PHF19: variants seen among roughly 807,000 people sequenced by gnomAD.
PHF19 encodes the protein polycomb like 3.
In PHF19, 21 loss-of-function variants were observed where a neutral mutation model predicts 79.8. The observed-to-expected ratio is 0.26, with a 90% CI of 0.19 to 0.38. The LOEUF is 0.38. PHF19 is among the 10% of genes least tolerant of loss of function. The pLI is 1.00. For missense variants in PHF19, 445 were observed against 744.2 expected (o/e 0.60, Z 4.68); for synonymous variants, 273 against 296.3 (o/e 0.92, Z 0.81).
rs2045912428 is a variant in PHF19 at position 120,872,037 on chromosome 9, C to CAAAAAAAAAGAAAAA, written c.269-1500_269-1499insTTTTTCTTTTTTTTT. Among the ~76,000 whole-genome samples, 100 of 30,314 alleles carry CAAAAAAAAAGAAAAA rather than the reference C, an allele frequency of 3.3e-3. 1 individual carries two copies. Among genetic ancestry groups the CAAAAAAAAAGAAAAA allele is most frequent in the Non-Finnish European group, 3.7e-3 (68 of 18,278 alleles). 19.9% of individuals were successfully genotyped at this position (30,314 alleles called of 152,430 possible). A position where few individuals can be genotyped will look rare whatever the true frequency, so the allele number is the denominator to read the frequency against. ...TGGGTGACAGAGCAAGACTCTGTCTCAAAAAAAAAAAAAAAAAAAAAAAAA... is the reference window on the plus strand; with the variant it reads ...TGGGTGACAGAGCAAGACTCTGTCTCAAAAAAAAAGAAAAAAAAAAAAAAAAAAAAAAAAAAAAAA... On this transcript the variant is annotated intron_variant, in intron 3 of 14. Transcript: ENST00000373896.
chr9:120,877,184 C>T lies in PHF19; in HGVS notation c.-109G>A. On this transcript the variant is annotated 5_prime_UTR_variant, in exon 1 of 15. Transcript: ENST00000373896. ...TGCGCTCGGCCCGCGGCTGCCCGGCCGAGTGTCCGCCCGTGGGGCCGGGGT... is the reference window on the plus strand; with the variant it reads ...TGCGCTCGGCCCGCGGCTGCCCGGCTGAGTGTCCGCCCGTGGGGCCGGGGT... 1.0e-6 allele frequency: 1 copy of T among 974,822 alleles called. No homozygotes were observed. Among genetic ancestry groups the T allele is most frequent in the Non-Finnish European group, 1.2e-6 (1 of 826,208 alleles). The allele number at this position is 974,822 out of a possible 1,614,324, so 60.4% of individuals were successfully genotyped here.
rs2046001267 is a variant in PHF19 at position 120,874,806 on chromosome 9, A to G, written c.-15-50T>C. On this transcript the variant is annotated intron_variant, in intron 1 of 14. Transcript: ENST00000373896. The surrounding 1 kb of genome is among the most constrained non-coding windows in gnomAD (Gnocchi z 4.5). Reference sequence around the variant, plus strand: ...TGCTTCTTGCTTCCCTGCTTCAGAAAGCCCATCAGGGGAAGGAAGGAAACC... The same window carrying G: ...TGCTTCTTGCTTCCCTGCTTCAGAAGGCCCATCAGGGGAAGGAAGGAAACC... 9.4e-6 allele frequency: 12 copies of G among 1,277,000 alleles called. No homozygotes were observed. In the East Asian group the frequency reaches 2.1e-4, roughly 22 times the overall value. 79.1% of individuals were successfully genotyped at this position (1,277,000 alleles called of 1,614,324 possible). A position where few individuals can be genotyped will look rare whatever the true frequency, so the allele number is the denominator to read the frequency against.
rs150082542 is a variant in PHF19 at position 120,856,306 on chromosome 9, G to A, written c.*1638C>T. The A allele has an allele frequency of 8.8e-3, 1,344 of 152,794 alleles. 14 individuals are homozygous for A. Among genetic ancestry groups the A allele is most frequent in the Non-Finnish European group, 9.6e-3 (653 of 68,090 alleles). The allele number at this position is 152,794 out of a possible 1,614,324, so 9.5% of individuals were successfully genotyped here. A position where few individuals can be genotyped will look rare whatever the true frequency, so the allele number is the denominator to read the frequency against. On this transcript the variant is annotated 3_prime_UTR_variant, in exon 15 of 15. Coordinates refer to ENST00000373896, the MANE Select transcript of PHF19 (RefSeq NM_015651.3). ...TGGGGGGGCATCTAAACTATCTCAG[G>A]GACCCCCTGAACGCTCACAGGTAGA...
upstream of PHF19, chr9:120,877,431 G>GC (rs914737006): frequency 1.9e-5 from 13 of 680,250 alleles, no homozygotes; most frequent in Non-Finnish European, 2.3e-5. Flanking sequence ...AGCGCCGCCA[G>GC]CCCCCGCCCG....
rs1354929559 is a variant in PHF19, at chr9:120,874,663, C to T, written c.79G>A (p.Ala27Thr). The change falls in exon 2 of 15, where the codon GCG (alanine) becomes ACG (threonine). Residue 27 changes from alanine (A) to threonine (T), a missense_variant. Coordinates refer to ENST00000373896, the MANE Select transcript of PHF19 (RefSeq NM_015651.3). This position sits in a 1 kb window ranked among gnomAD's most constrained non-coding sequence, Gnocchi z 4.5. ...TCTTTGAAGTTGTTCTTGACCTTCG[C>T]CAGGGCCCCCTTGTTGGGGAGGTGG... Reference protein sequence around the residue: ...TSHLPNKGALAKVKNNFKDLM... With the variant: ...TSHLPNKGALTKVKNNFKDLM... 1 of 1,613,838 alleles carries T rather than the reference C, an allele frequency of 6.2e-7. No homozygotes were observed. The highest frequency in any genetic ancestry group is 1.3e-5 in the African/African-American group (1 of 75,060).
intron 1 of PHF19, among the ~76,000 whole-genome samples, chr9:120,888,895 G>A (rs765848556): frequency 6.6e-6 from 1 of 152,190 alleles, no homozygotes; most frequent in Non-Finnish European, 1.5e-5. Context: ...TATCTGATTG[G>A]CTAGTGTTGC....
chr9:120,871,408 C>A (rs1359618923), intron 3 of PHF19, among the ~76,000 whole-genome samples: 1 of 152,172 alleles, frequency 6.6e-6, no homozygotes, highest in Admixed American at 6.5e-5. Flanking sequence ...ACCTCTACTG[C>A]ACCTATAAGT....
chr9:120,870,539 C>T lies in PHF19; in HGVS notation c.269-1G>A. On this transcript the variant is annotated splice_acceptor_variant, in intron 3 of 14. Transcript: ENST00000373896. LOFTEE classifies it high-confidence loss of function. This position sits in a 1 kb window ranked among gnomAD's most constrained non-coding sequence, Gnocchi z 4.4. Reference sequence around the variant, plus strand: ...TTGGGCTCCTCTCCTGGAACACCGGCTGAAAGAGAGGGCCTCGAGGGTCGG... The same window carrying T: ...TTGGGCTCCTCTCCTGGAACACCGGTTGAAAGAGAGGGCCTCGAGGGTCGG... The T allele has an allele frequency of 6.3e-7, 1 of 1,597,388 alleles. No individual in the cohort carries two copies. Among genetic ancestry groups the T allele is most frequent in the Non-Finnish European group, 8.6e-7 (1 of 1,164,690 alleles).
rs1204242307 is a variant in PHF19, at chr9:120,869,688, A to G, written c.465+157T>C. On this transcript the variant is annotated intron_variant, in intron 5 of 14. Transcript: ENST00000373896. The surrounding 1 kb of genome is among the most constrained non-coding windows in gnomAD (Gnocchi z 5.8). ...GAGGAAACTGAGGCTCAGGGAGTCT[A>G]CAAATCCTGGCCAAGGACAGTGGCA... 2 of 1,552,164 alleles carry G rather than the reference A, an allele frequency of 1.3e-6. No individual in the cohort carries two copies. The highest frequency in any genetic ancestry group is 3.9e-5 in the Admixed American group (2 of 51,056).
intron 9 of PHF19, among the ~76,000 whole-genome samples, chr9:120,864,910 C>G (rs932492073): frequency 1.3e-5 from 2 of 151,358 alleles, no homozygotes; most frequent in African/African-American, 4.9e-5. Context: ...CTTCCTTATA[C>G]TTTTTGGTAC....
Position 120,866,977 on chromosome 9 carries a change from G to A in PHF19, c.615-12C>T, listed in dbSNP as rs199900270. On this transcript the variant is annotated splice_polypyrimidine_tract_variant and intron_variant, in intron 6 of 14. Coordinates refer to ENST00000373896, the MANE Select transcript of PHF19 (RefSeq NM_015651.3). This position sits in a 1 kb window ranked among gnomAD's most constrained non-coding sequence, Gnocchi z 5.2. The stretch of plus-strand genomic sequence containing the variant: ...TCCGCAGGTACCATCTGGAGAGACA[G>A]AGGAGCCAAGGTCAGCCAGGACCAC... 1.3e-6 allele frequency: 2 copies of A among 1,561,036 alleles called. No individual in the cohort carries two copies. Among genetic ancestry groups the A allele is most frequent in the Non-Finnish European group, 1.8e-6 (2 of 1,131,808 alleles).
intron 14 of PHF19, among the ~76,000 whole-genome samples, chr9:120,859,170 T>C (rs2045441778): frequency 6.7e-6 from 1 of 148,924 alleles, no homozygotes; most frequent in South Asian, 2.1e-4. Context: ...AGAGGACACC[T>C]AGACAGATGT....
chr9:120,866,167 G>T lies in PHF19; in HGVS notation c.711-71C>A. On this transcript the variant is annotated intron_variant, in intron 7 of 14. Transcript: ENST00000373896. This position sits in a 1 kb window ranked among gnomAD's most constrained non-coding sequence, Gnocchi z 5.2. ...CACCCCCACCCCAGTCCAGCCCCTT[G>T]ATCTCCTCATTCCCCACCTACCTTC... The T allele has an allele frequency of 2.7e-6, 3 of 1,091,146 alleles. No homozygotes were observed. Among genetic ancestry groups the T allele is most frequent in the Non-Finnish European group, 2.8e-6 (2 of 704,582 alleles). 67.6% of individuals were successfully genotyped at this position (1,091,146 alleles called of 1,614,324 possible). A position where few individuals can be genotyped will look rare whatever the true frequency, so the allele number is the denominator to read the frequency against.
chr9:120,865,211 G>A lies in PHF19; in HGVS notation c.900+499C>T, dbSNP rs571151650. Reference sequence around the variant, plus strand: ...ATGTCATTAGGGAAAAGAAGACACAGCACCCCCGTGGGAGTGATTAGGGAG... The same window carrying A: ...ATGTCATTAGGGAAAAGAAGACACAACACCCCCGTGGGAGTGATTAGGGAG... On this transcript the variant is annotated intron_variant, in intron 9 of 14. Transcript: ENST00000373896. 6.6e-5 allele frequency among the ~76,000 whole-genome samples: 10 copies of A among 152,200 alleles called. No homozygotes were observed. In the South Asian group the frequency reaches 2.1e-3, roughly 32 times the overall value.
rs1453245776 is a variant in PHF19, at chr9:120,862,272, G to A, written c.1131-267C>T. On this transcript the variant is annotated intron_variant, in intron 11 of 14. Transcript: ENST00000373896. The surrounding 1 kb of genome is among the most constrained non-coding windows in gnomAD (Gnocchi z 4.6). ...CCAGATGCCCTGCCCCCCAGTGCCA[G>A]GATGAGGGGGCTCAGCTGAGCCAGG... Among the ~76,000 whole-genome samples the A allele has an allele frequency of 6.6e-6, 1 of 152,230 alleles. No homozygotes were observed. The highest frequency in any genetic ancestry group is 2.4e-5 in the African/African-American group (1 of 41,464).
chr9:120,904,073 G>C, the PHF19 span: 1 of 152,264 alleles, frequency 6.6e-6, no homozygotes, highest in East Asian at 1.9e-4. Flanking sequence ...CAGGTGTTAC[G>C]GGATTCTGGA....
chr9:120,867,073 G>A (rs767937212), intron 6 of PHF19, 108 bp from the exon 7 acceptor site: 5 of 690,122 alleles, frequency 7.2e-6, no homozygotes, highest in Non-Finnish European at 1.3e-5. Context: ...AGAAAGGGAA[G>A]AGAATTCAGT....
At chr9:120,867,023 T>C in intron 6 of PHF19, 58 bp from the exon 7 acceptor site, 3 of 968,034 alleles carry the variant, frequency 3.1e-6, no homozygotes, top group Non-Finnish European at 5.0e-6. Flanking sequence ...AGGTATGAGC[T>C]TCGGCAACCT....
chr9:120,881,698 A>C (rs1394659932), upstream of PHF19, among the ~76,000 whole-genome samples: 1 of 152,124 alleles, frequency 6.6e-6, no homozygotes, highest in Admixed American at 6.5e-5. Context: ...ATTGCTTGTT[A>C]GGTGTCCAGG....
Sources: allele counts gnomAD v4.1 joint callset (sites outside exome capture counted in the v4.1 genomes callset), GRCh38; gene constraint gnomAD v4.1.1; non-coding constraint Gnocchi (gnomAD v3.1); transcripts MANE v1.5; gene names NCBI Gene and HGNC (gene_info 2026-07-23, HGNC 2026-07-21).